KCNA3: variants seen among roughly 807,000 people sequenced by gnomAD.
KCNA3 encodes potassium voltage-gated channel subfamily A member 3.
A neutral mutation model predicts 34.3 loss-of-function variants in KCNA3; 18 were observed. The observed-to-expected ratio is 0.52, with a 90% confidence interval of 0.36 to 0.78. The LOEUF (loss-of-function observed/expected upper bound fraction) is 0.78, where lower values mean the gene tolerates loss of function less well. KCNA3 is among the 30% of genes least tolerant of loss of function. The probability of loss-of-function intolerance (pLI) is 0.00; values close to 1 mark genes in which losing one functional copy is unlikely to be tolerated. For synonymous variants in KCNA3, 324 were observed against 351.7 expected, an observed-to-expected ratio of 0.92 and a Z score of 0.88; for missense variants, 587 against 802.5, an observed-to-expected ratio of 0.73 and a Z score of 3.24.
Position 110,674,656 on chromosome 1 carries a change from C to A in KCNA3, c.154G>T (p.Asp52Tyr), listed in dbSNP as rs771139380. ...EPAAGRELPPDMTVVPGDHLL... is the reference protein window; with the variant it reads ...EPAAGRELPPYMTVVPGDHLL... ...TGGTCCCCGGGCACCACGGTCATGT[C>A]GGGCGGCAGCTCGCGGCCTGCGGCG... Residue 52 changes from aspartate (D) to tyrosine (Y), a missense_variant, in exon 1 of 1, where the codon GAC (aspartate) becomes TAC (tyrosine). Transcript: ENST00000369769. The surrounding 1 kb of genome is among the most constrained non-coding windows in gnomAD (Gnocchi z 6.4). 1 of 1,524,554 alleles carries A rather than the reference C, an allele frequency of 6.6e-7. No individual in the cohort carries two copies. Among genetic ancestry groups the A allele is most frequent in the South Asian group, 1.2e-5 (1 of 80,874 alleles). The allele number at this position is 1,524,554 out of a possible 1,614,324, so 94.4% of individuals were successfully genotyped here.
chr1:110,655,003 ACT>A, the KCNA3 span: 1 of 152,070 alleles, frequency 6.6e-6, no homozygotes, highest in Non-Finnish European at 1.5e-5. Flanking sequence ...CTAACGCTAG[ACT>A]CTATAAAAAA....
At chr1:110,667,318 C>T in the KCNA3 span, among the ~76,000 whole-genome samples, 1 of 151,988 alleles carries the variant, frequency 6.6e-6, no homozygotes, top group Non-Finnish European at 1.5e-5. Context: ...ATAGAGATTC[C>T]CAAGAGCCTT....
the KCNA3 span, among the ~76,000 whole-genome samples, chr1:110,660,927 G>C: frequency 7.9e-5 from 12 of 152,146 alleles, no homozygotes; most frequent in Middle Eastern, 6.3e-3. Flanking sequence ...CCTGGGTAGT[G>C]TCTGACACAT....
At position 110,674,649 on chromosome 1, in the gene KCNA3, G is replaced by A; in HGVS notation, c.161C>T (p.Thr54Ile). 6.5e-7 allele frequency: 1 copy of A among 1,532,754 alleles called. No homozygotes were observed. The highest frequency in any genetic ancestry group is 1.2e-5 in the South Asian group (1 of 81,862). 94.9% of individuals were successfully genotyped at this position (1,532,754 alleles called of 1,614,324 possible). Residue 54 changes from threonine to isoleucine, a missense_variant, in exon 1 of 1, where the codon ACC (threonine) becomes ATC (isoleucine). Around this residue, in one of 7 missense-constraint regions of KCNA3, gnomAD observed 341 missense variants for 355.4 expected, o/e 0.96. Coordinates refer to ENST00000369769, the MANE Select transcript of KCNA3 (RefSeq NM_002232.5). The surrounding 1 kb of genome is among the most constrained non-coding windows in gnomAD (Gnocchi z 6.4). ...AAGRELPPDM[T>I]VVPGDHLLEP... Reference sequence around the variant, plus strand: ...CAGCAGGTGGTCCCCGGGCACCACGGTCATGTCGGGCGGCAGCTCGCGGCC... The same window carrying A: ...CAGCAGGTGGTCCCCGGGCACCACGATCATGTCGGGCGGCAGCTCGCGGCC...
the KCNA3 span, among the ~76,000 whole-genome samples, chr1:110,667,372 G>A: frequency 1.3e-5 from 2 of 152,146 alleles, no homozygotes; most frequent in Admixed American, 6.5e-5. Context: ...GAAGCTCACT[G>A]TAAGAGAAAA....
At chr1:110,658,899 A>G in the KCNA3 span, among the ~76,000 whole-genome samples, 1 of 152,180 alleles carries the variant, frequency 6.6e-6, no homozygotes, top group African/African-American at 2.4e-5. Context: ...AGTTCAGCTC[A>G]GCTAAAACCT....
chr1:110,667,882 T>C (rs578231856), downstream of KCNA3, among the ~76,000 whole-genome samples: 22 of 152,288 alleles, frequency 1.4e-4, no homozygotes, highest in Admixed American at 1.3e-3. Flanking sequence ...ACATAAAGAA[T>C]ACTATTATCA....
chr1:110,673,652 G>T lies in KCNA3; in HGVS notation c.1158C>A (p.Ile386=), dbSNP rs1339555262. The T allele has an allele frequency of 1.2e-6, 2 of 1,614,226 alleles. No individual in the cohort carries two copies. Among genetic ancestry groups the T allele is most frequent in the East Asian group, 2.2e-5 (1 of 44,878 alleles). Residue 386 remains isoleucine (I), a synonymous_variant, in exon 1 of 1, where the codon ATC becomes ATA. Coordinates refer to ENST00000369769, the MANE Select transcript of KCNA3 (RefSeq NM_002232.5). This position sits in a 1 kb window ranked among gnomAD's most constrained non-coding sequence, Gnocchi z 8.8. ...TGGACGCCTTCAGCGTTTGCCCGAG[G>T]ATCTGCAGCCCCTTGGAGTGGCGCG... The part of the protein sequence containing the change: ...KLSRHSKGLQ[I]LGQTLKASMR...
the KCNA3 span, among the ~76,000 whole-genome samples, chr1:110,661,742 A>G: frequency 6.6e-6 from 1 of 152,194 alleles, no homozygotes; most frequent in Non-Finnish European, 1.5e-5. Context: ...TAAGCATGGC[A>G]TCCTAATAAA....
chr1:110,658,320 C>T, the KCNA3 span, among the ~76,000 whole-genome samples: 11 of 152,232 alleles, frequency 7.2e-5, no homozygotes, highest in South Asian at 1.7e-3. Context: ...TAAAATTCTA[C>T]AAGTGCTCTT....
In KCNA3 at chr1:110,674,834, T is replaced by C; in HGVS notation, c.-25A>G. Reference sequence around the variant, plus strand: ...TGCGGCGGGGAAGAGGCGGCAGCGGTGAGGCCAGGTCGCTCCTCCTCGCGC... The same window carrying C: ...TGCGGCGGGGAAGAGGCGGCAGCGGCGAGGCCAGGTCGCTCCTCCTCGCGC... On this transcript the variant is annotated 5_prime_UTR_variant, in exon 1 of 1. Transcript: ENST00000369769. The surrounding 1 kb of genome is among the most constrained non-coding windows in gnomAD (Gnocchi z 6.4). 1 of 1,301,544 alleles carries C rather than the reference T, an allele frequency of 7.7e-7. No homozygotes were observed. The highest frequency in any genetic ancestry group is 9.7e-7 in the Non-Finnish European group (1 of 1,029,448). The allele number at this position is 1,301,544 out of a possible 1,614,324, so 80.6% of individuals were successfully genotyped here. A position where few individuals can be genotyped will look rare whatever the true frequency, so the allele number is the denominator to read the frequency against.
chr1:110,666,933 T>C, the KCNA3 span, among the ~76,000 whole-genome samples: 1 of 152,210 alleles, frequency 6.6e-6, no homozygotes, highest in Non-Finnish European at 1.5e-5. Flanking sequence ...TTTGTAAATA[T>C]TTATGCTGCA....
chr1:110,671,531 T>C (rs989567271), downstream of KCNA3, among the ~76,000 whole-genome samples: 4 of 152,214 alleles, frequency 2.6e-5, no homozygotes, highest in African/African-American at 7.2e-5. Context: ...TTGCAGGTGT[T>C]CTCCCAAGAT....
At position 110,673,724 on chromosome 1, in the gene KCNA3, G is replaced by A. The variant is rs762246760; in HGVS notation, c.1086C>T (p.Ile362=). The A allele has an allele frequency of 4.3e-6, 7 of 1,614,194 alleles. No individual in the cohort carries two copies. In the Admixed American group the frequency reaches 1.2e-4, roughly 27 times the overall value. ...CCCTTACCAGGCGGATGACCCTCAG[G>A]ATGGCCAGAGACATGGCCTGCTGTC... is the stretch of plus-strand genomic sequence containing the variant. ...GNGQQAMSLA[I]LRVIRLVRVF... is the part of the protein sequence containing the mutation. Residue 362 remains isoleucine (I), a synonymous_variant, in exon 1 of 1, where the codon ATC becomes ATT. Transcript: ENST00000369769. This position sits in a 1 kb window ranked among gnomAD's most constrained non-coding sequence, Gnocchi z 8.8.
At chr1:110,655,145 T>C in the KCNA3 span, 3 of 151,960 alleles carry the variant, frequency 2.0e-5, no homozygotes, top group African/African-American at 7.2e-5. Context: ...TGAATGTGTA[T>C]ATATATATAT....
chr1:110,665,352 A>G, the KCNA3 span, among the ~76,000 whole-genome samples: 1 of 152,224 alleles, frequency 6.6e-6, no homozygotes, highest in Non-Finnish European at 1.5e-5. Flanking sequence ...GAAACATTTT[A>G]GAAGTGTCAA....
At chr1:110,663,500 T>G in the KCNA3 span, among the ~76,000 whole-genome samples, 1 of 152,190 alleles carries the variant, frequency 6.6e-6, no homozygotes, top group African/African-American at 2.4e-5. Flanking sequence ...CATTCTCTGG[T>G]CTGGTTTGCC....
chr1:110,664,966 G>T, the KCNA3 span, among the ~76,000 whole-genome samples: 2 of 152,154 alleles, frequency 1.3e-5, no homozygotes, highest in African/African-American at 4.8e-5. Flanking sequence ...GGTGGAGCAT[G>T]CCTGGTGTAT....
downstream of KCNA3, among the ~76,000 whole-genome samples, chr1:110,667,869 A>T (rs1250282982): frequency 6.6e-6 from 1 of 152,172 alleles, no homozygotes; most frequent in African/African-American, 2.4e-5. Context: ...ACTGAATATG[A>T]GTACATAAAG....
Sources: gnomAD v4.1 joint callset for allele counts (sites outside exome capture counted in the v4.1 genomes callset) on GRCh38, gnomAD v4.1.1 for gene constraint, gnomAD v4.1.1 regional missense constraint, Gnocchi (gnomAD v3.1) non-coding constraint, MANE v1.5 for transcripts, NCBI Gene and HGNC (gene_info 2026-07-23, HGNC 2026-07-21) for gene names.